MCTP1: variants seen among roughly 807,000 people sequenced by gnomAD.
The protein encoded by MCTP1 is multiple C2 and transmembrane domain containing 1.
In MCTP1, 69 loss-of-function variants were observed where a neutral mutation model predicts 120.6. The ratio of observed to expected loss-of-function variants is 0.57; its 90% CI spans 0.47 to 0.70. MCTP1 has a LOEUF of 0.70. MCTP1 is among the 30% of genes least tolerant of loss of function. MCTP1 has a pLI of 0.00. For missense variants in MCTP1, 1,203 were observed against 1,248.8 expected, an observed-to-expected ratio of 0.96 and a Z score of 0.55; for synonymous variants, 529 against 493.1, an observed-to-expected ratio of 1.07 and a Z score of -0.96.
intron 2 of MCTP1, among the ~76,000 whole-genome samples, chr5:94,953,589 T>G (rs1016891521): frequency 5.3e-5 from 8 of 151,256 alleles, no homozygotes; most frequent in Non-Finnish European, 1.0e-4. Context: ...TGTAACCTTG[T>G]CCTGGCAGTT....
intron 17 of MCTP1, among the ~76,000 whole-genome samples, chr5:94,858,543 C>T (rs985169960): frequency 5.9e-5 from 9 of 151,708 alleles, no homozygotes; most frequent in Non-Finnish European, 1.3e-4. Context: ...TGGAATTCTA[C>T]AGGACAATGT....
intron 17 of MCTP1, among the ~76,000 whole-genome samples, chr5:94,813,859 T>A (rs817652): frequency 0.8 from 121,574 of 151,798 alleles, 49,561 homozygotes; most frequent in Non-Finnish European, 0.86. Context: ...CTCAAAAAAT[T>A]AAAATAAAAG....
intron 1 of MCTP1, among the ~76,000 whole-genome samples, chr5:95,148,635 C>T (rs1760627356): frequency 6.6e-6 from 1 of 152,156 alleles, no homozygotes; most frequent in Non-Finnish European, 1.5e-5. Context: ...TGGGTTTCAA[C>T]TTTTTCTTGG....
At position 94,724,811 on chromosome 5, in the gene MCTP1, C is replaced by CT. The variant is rs930443034; in HGVS notation, c.2611-9926dup. 1.2e-3 allele frequency among the ~76,000 whole-genome samples: 184 copies of CT among 152,244 alleles called. 2 individuals carry two copies. The highest frequency in any genetic ancestry group is 4.3e-3 in the African/African-American group (179 of 41,552). On this transcript the variant is annotated intron_variant, in intron 19 of 22. Coordinates refer to ENST00000515393, the MANE Select transcript of MCTP1 (RefSeq NM_024717.7). Reference sequence around the variant, plus strand: ...CAGCCAGCAGCCAGGAAAAAGGGGCCTTATAGATTATCCCATCTCAGGCTT... The same window carrying CT: ...CAGCCAGCAGCCAGGAAAAAGGGGCCTTTATAGATTATCCCATCTCAGGCTT...
At chr5:94,930,134 A>G (rs1814213761) in intron 6 of MCTP1, among the ~76,000 whole-genome samples, 1 of 151,932 alleles carries the variant, frequency 6.6e-6, no homozygotes, top group Admixed American at 6.6e-5. Context: ...ATAAAACAGT[A>G]GAGGATAGAT....
intron 1 of MCTP1, among the ~76,000 whole-genome samples, chr5:95,191,718 A>T (rs1691430265): frequency 6.6e-6 from 1 of 151,980 alleles, no homozygotes; most frequent in African/African-American, 2.4e-5. Flanking sequence ...TAACAAATGC[A>T]TTTCAACTAA....
intron 10 of MCTP1, among the ~76,000 whole-genome samples, chr5:94,895,198 C>T (rs1209948291): frequency 6.6e-6 from 1 of 152,070 alleles, no homozygotes; most frequent in Non-Finnish European, 1.5e-5. Context: ...GACCAACTAC[C>T]AAAATTCTGA....
At chr5:94,801,708 G>A (rs894353462) in intron 17 of MCTP1, among the ~76,000 whole-genome samples, 1 of 152,102 alleles carries the variant, frequency 6.6e-6, no homozygotes, top group African/African-American at 2.4e-5. Context: ...TAGGGTCCTC[G>A]TCTTATTCAG....
intron 19 of MCTP1, among the ~76,000 whole-genome samples, chr5:94,765,832 GA>G (rs147715216): frequency 0.024 from 3,424 of 143,434 alleles, 113 homozygotes; most frequent in African/African-American, 0.078. Flanking sequence ...CCAAGAGGGG[GA>G]AAAAAAAAAG....
At chr5:94,719,415 C>A (rs568894121) in intron 19 of MCTP1, among the ~76,000 whole-genome samples, 1 of 152,082 alleles carries the variant, frequency 6.6e-6, no homozygotes, top group Admixed American at 6.5e-5. Flanking sequence ...ACCCAAATGA[C>A]CAACAATGCA....
intron 2 of MCTP1, among the ~76,000 whole-genome samples, chr5:95,012,956 C>T (rs1039170239): frequency 1.3e-5 from 2 of 152,108 alleles, no homozygotes; most frequent in Non-Finnish European, 2.9e-5. Flanking sequence ...AAAGGAGAGA[C>T]AGGCTGAAAG....
chr5:95,284,252 C>A lies in MCTP1; in HGVS notation c.324G>T (p.Glu108Asp). The A allele has an allele frequency of 6.3e-7, 1 of 1,589,832 alleles. No individual in the cohort carries two copies. ...NLCCSSPEPL[E>D]PGGAGRAEQG... is the part of the protein sequence containing the mutation. ...GCTCGGCTCTGCCGGCGCCGCCGGGCTCCAGGGGCTCCGGCGACGAGCAGC... is the reference window on the plus strand; with the variant it reads ...GCTCGGCTCTGCCGGCGCCGCCGGGATCCAGGGGCTCCGGCGACGAGCAGC... The change falls in exon 1 of 23, where the codon GAG becomes GAT. Residue 108 changes from glutamate to aspartate, a missense_variant. By Grantham distance (45) the Glu-to-Asp change is conservative (BLOSUM62 2). Coordinates refer to ENST00000515393, the MANE Select transcript of MCTP1 (RefSeq NM_024717.7). The surrounding 1 kb of genome is among the most constrained non-coding windows in gnomAD (Gnocchi z 5.2).
chr5:95,245,078 G>T (rs1380560762), intron 1 of MCTP1, among the ~76,000 whole-genome samples: 1 of 152,168 alleles, frequency 6.6e-6, no homozygotes, highest in East Asian at 1.9e-4. Context: ...TAGACCTACA[G>T]CTGAGGGGTC....
At chr5:95,258,582 C>T (rs553680906) in intron 1 of MCTP1, among the ~76,000 whole-genome samples, 3 of 152,146 alleles carry the variant, frequency 2.0e-5, no homozygotes, top group South Asian at 4.2e-4. Flanking sequence ...ATAATGAATC[C>T]ATGTTGGTTC....
At chr5:95,140,879 CAAAAAAAAAAAA>C (rs33910299) in intron 1 of MCTP1, among the ~76,000 whole-genome samples, 3 of 45,338 alleles carry the variant, frequency 6.6e-5, no homozygotes, top group Non-Finnish European at 1.2e-4. Flanking sequence ...GACTCCGTCT[CAAAAAAAAAAAA>C]AAAAAAAAAA....
chr5:95,223,307 C>G (rs1753890563), intron 1 of MCTP1, among the ~76,000 whole-genome samples: 1 of 151,922 alleles, frequency 6.6e-6, no homozygotes, highest in Non-Finnish European at 1.5e-5. Flanking sequence ...CAAAAATTAG[C>G]CAGGCATGGT....
chr5:94,797,724 TG>T (rs1780389123), intron 18 of MCTP1, among the ~76,000 whole-genome samples: 1 of 152,094 alleles, frequency 6.6e-6, no homozygotes, highest in East Asian at 1.9e-4. Flanking sequence ...GTACTACAGA[TG>T]GTGGCAAATA....
chr5:94,794,432 A>G (rs1779598368), intron 18 of MCTP1, among the ~76,000 whole-genome samples: 1 of 152,230 alleles, frequency 6.6e-6, no homozygotes, highest in South Asian at 2.1e-4. Context: ...CAATTCATGC[A>G]AGGTTACTGG....
rs148961701 is a variant in MCTP1 at position 95,107,070 on chromosome 5, A to T, written c.721-89586T>A. Among the ~76,000 whole-genome samples the T allele has an allele frequency of 6.4e-3, 973 of 152,326 alleles. 8 individuals carry two copies. The highest frequency in any genetic ancestry group is 9.3e-3 in the Non-Finnish European group (634 of 68,030). ...AATGTAGAAAAATAAACTCATACTAAATTTAGTTGAGTGTTAATTATGATA... is the reference window on the plus strand; with the variant it reads ...AATGTAGAAAAATAAACTCATACTATATTTAGTTGAGTGTTAATTATGATA... On this transcript the variant is annotated intron_variant, in intron 1 of 22. Transcript: ENST00000515393.
Sources: gnomAD v4.1 joint callset for allele counts (sites outside exome capture counted in the v4.1 genomes callset) on GRCh38, gnomAD v4.1.1 for gene constraint, Gnocchi (gnomAD v3.1) non-coding constraint, MANE v1.5 for transcripts, NCBI Gene and HGNC (gene_info 2026-07-23, HGNC 2026-07-21) for gene names.